Variants in CLMN observed in about 807,000 individuals in gnomAD.
The protein encoded by CLMN is calmin.
CLMN carries 57 observed loss-of-function variants against 92.7 expected under a neutral mutation model. That is an observed-to-expected ratio of 0.61 (90% CI 0.50 to 0.77). The LOEUF (loss-of-function observed/expected upper bound fraction) is 0.77. Ranked by LOEUF, CLMN falls within the 30% of genes least tolerant of loss-of-function variation. The pLI, the probability that CLMN is intolerant of heterozygous loss-of-function variation, is 0.00. For missense variants in CLMN, 1,158 were observed against 1,237.5 expected (o/e 0.94, Z 0.96); for synonymous variants, 466 against 470.6 (o/e 0.99, Z 0.13).
chr14:95,250,057 G>A (rs1898722639), intron 1 of CLMN, among the ~76,000 whole-genome samples: 1 of 152,140 alleles, frequency 6.6e-6, no homozygotes, highest in Admixed American at 6.5e-5. Flanking sequence ...CCAAAACAAA[G>A]GTGCGAAGCT....
In CLMN at chr14:95,194,638, C is replaced by G. The variant is rs1165211311; in HGVS notation, c.2709-42G>C. 1.6e-5 allele frequency: 25 copies of G among 1,587,296 alleles called. No individual in the cohort carries two copies. The highest frequency in any genetic ancestry group is 2.2e-5 in the Non-Finnish European group (25 of 1,155,674). On this transcript the variant is annotated intron_variant, in intron 10 of 12. Coordinates refer to ENST00000298912, the MANE Select transcript of CLMN (RefSeq NM_024734.4). This position sits in a 1 kb window ranked among gnomAD's most constrained non-coding sequence, Gnocchi z 4.0. ...TGTTTTGAATTGGTACCACCTGGAG[C>G]TCTTCATGGCTCAGTTGTACGGTCA...
intron 1 of CLMN, among the ~76,000 whole-genome samples, chr14:95,265,577 T>G (rs1213717297): frequency 6.6e-6 from 1 of 152,212 alleles, no homozygotes; most frequent in Non-Finnish European, 1.5e-5. Flanking sequence ...CCTGGCACAG[T>G]GCGTGCTACA....
At chr14:95,262,459 T>C (rs1234064355) in intron 1 of CLMN, among the ~76,000 whole-genome samples, 3 of 152,240 alleles carry the variant, frequency 2.0e-5, no homozygotes, top group Non-Finnish European at 2.9e-5. Flanking sequence ...CTACCACTTC[T>C]GCAGCACTTG....
rs76500310 is a variant in CLMN, at chr14:95,304,988, A to G, written c.82+14723T>C. Among the ~76,000 whole-genome samples, 15 of 152,368 alleles carry G rather than the reference A, an allele frequency of 9.8e-5. No individual in the cohort carries two copies. In the East Asian group the frequency reaches 2.7e-3, roughly 27 times the overall value. ...TGTACTCGGAACCTGCAGAATGCTT[A>G]TTAGTCCCCAACTTTTAAAGAGGGG... On this transcript the variant is annotated intron_variant, in intron 1 of 12. Transcript: ENST00000298912.
At chr14:95,257,409 C>T (rs951977239) in intron 1 of CLMN, among the ~76,000 whole-genome samples, 1 of 152,182 alleles carries the variant, frequency 6.6e-6, no homozygotes, top group Admixed American at 6.5e-5. Context: ...GACATAGACC[C>T]TGCAGGAGCC....
chr14:95,301,397 T>C (rs1901048775), intron 1 of CLMN, among the ~76,000 whole-genome samples: 1 of 152,182 alleles, frequency 6.6e-6, no homozygotes, highest in Admixed American at 6.5e-5. Context: ...GTGGACTCAC[T>C]CAAGGATGTT....
intron 1 of CLMN, among the ~76,000 whole-genome samples, chr14:95,289,017 C>A (rs1900448180): frequency 6.6e-6 from 1 of 152,160 alleles, no homozygotes; most frequent in African/African-American, 2.4e-5. Flanking sequence ...CTGGGAATCA[C>A]AATAGGGGTT....
chr14:95,222,612 T>A, intron 3 of CLMN: 1 of 455,884 alleles, frequency 2.2e-6, no homozygotes. Context: ...GGCAATAAAG[T>A]GGGGAGCCTC....
chr14:95,269,398 T>A (rs943867370), intron 1 of CLMN, among the ~76,000 whole-genome samples: 28 of 152,366 alleles, frequency 1.8e-4, no homozygotes, highest in Admixed American at 1.7e-3. Context: ...ATATTCAATA[T>A]GAGTATAATA....
At position 95,215,813 on chromosome 14, in the gene CLMN, CTCTGTGTGTGTGTGTGTGTGTGTGTG is replaced by C. The variant is rs1387732870; in HGVS notation, c.325-106_325-81del. ...TGTTATTTTCTGGTTCTCTCTCTCT[CTCTGTGTGTGTGTGTGTGTGTGTGTG>C]TGTGTGTGTGTGTGTGTGTGTTTGC... On this transcript the variant is annotated intron_variant, in intron 4 of 12. Transcript: ENST00000298912. 17 of 851,512 alleles carry C rather than the reference CTCTGTGTGTGTGTGTGTGTGTGTGTG, an allele frequency of 2.0e-5. No individual in the cohort carries two copies. In the African/African-American group the frequency reaches 2.3e-4, roughly 11 times the overall value. The allele number at this position is 851,512 out of a possible 1,614,324, so 52.7% of individuals were successfully genotyped here. A position where few individuals can be genotyped will look rare whatever the true frequency, so the allele number is the denominator to read the frequency against.
At chr14:95,278,662 T>C (rs1304981754) in intron 1 of CLMN, among the ~76,000 whole-genome samples, 2 of 152,218 alleles carry the variant, frequency 1.3e-5, no homozygotes, top group Non-Finnish European at 2.9e-5. Flanking sequence ...GTATGCATTA[T>C]GAGAGATATA....
chr14:95,219,707 C>T (rs574971714), intron 4 of CLMN, among the ~76,000 whole-genome samples: 5 of 152,194 alleles, frequency 3.3e-5, no homozygotes, highest in East Asian at 1.9e-4. Flanking sequence ...TGCTGGCCCA[C>T]GTTTGGCCAG....
At position 95,271,838 on chromosome 14, in the gene CLMN, G is replaced by A. The variant is rs148522336; in HGVS notation, c.83-41705C>T. Reference sequence around the variant, plus strand: ...TGTCTCCACTCCGTGCCTACCAAAGGTATGCACTATCTTGACTTCTATCAT... The same window carrying A: ...TGTCTCCACTCCGTGCCTACCAAAGATATGCACTATCTTGACTTCTATCAT... On this transcript the variant is annotated intron_variant, in intron 1 of 12. Coordinates refer to ENST00000298912, the MANE Select transcript of CLMN (RefSeq NM_024734.4). Among the ~76,000 whole-genome samples, 6 of 152,258 alleles carry A rather than the reference G, an allele frequency of 3.9e-5. No individual in the cohort carries two copies. The East Asian group carries it at 1.2e-3, about 29-fold the overall frequency.
chr14:95,202,973 A>G lies in CLMN; in HGVS notation c.2376T>C (p.Ser792=), dbSNP rs758690774. The G allele has an allele frequency of 3.1e-6, 5 of 1,613,974 alleles. No individual in the cohort carries two copies. The South Asian group carries it at 5.5e-5, about 18-fold the overall frequency. ...SSSVPGESLP[S]ASDQVLYLSR... Reference sequence around the variant, plus strand: ...TGAGATACAGCACCTGGTCGCTGGCACTGGGGAGGCTCTCTCCTGGCACCG... The same window carrying G: ...TGAGATACAGCACCTGGTCGCTGGCGCTGGGGAGGCTCTCTCCTGGCACCG... The change falls in exon 9 of 13, where the codon AGT becomes AGC. Residue 792 remains serine (S), a synonymous_variant. Coordinates refer to ENST00000298912, the MANE Select transcript of CLMN (RefSeq NM_024734.4).
At chr14:95,287,976 G>A (rs1452118763) in intron 1 of CLMN, among the ~76,000 whole-genome samples, 9 of 152,156 alleles carry the variant, frequency 5.9e-5, no homozygotes, top group Admixed American at 5.9e-4. Context: ...TTAGTTCATG[G>A]TTCATTAGTT....
intron 9 of CLMN, among the ~76,000 whole-genome samples, chr14:95,199,796 C>A (rs913197883): frequency 6.6e-6 from 1 of 151,922 alleles, no homozygotes; most frequent in Non-Finnish European, 1.5e-5. Flanking sequence ...TAACTGCTTG[C>A]CCAGATGGTG....
chr14:95,264,590 A>C (rs1899395923), intron 1 of CLMN, among the ~76,000 whole-genome samples: 1 of 152,170 alleles, frequency 6.6e-6, no homozygotes, highest in African/African-American at 2.4e-5. Context: ...AAAGACTCAC[A>C]TCCAGGCCTC....
chr14:95,257,564 C>A (rs1383141123), intron 1 of CLMN, among the ~76,000 whole-genome samples: 1 of 152,216 alleles, frequency 6.6e-6, no homozygotes, highest in Non-Finnish European at 1.5e-5. Flanking sequence ...ATTTCTGAAG[C>A]CAGGCAGTGG....
chr14:95,285,191 A>C (rs1900293739), intron 1 of CLMN, among the ~76,000 whole-genome samples: 1 of 152,188 alleles, frequency 6.6e-6, no homozygotes, highest in Non-Finnish European at 1.5e-5. Flanking sequence ...CATGATTCTG[A>C]GGCCTCCTTA....
Sources: gnomAD v4.1 joint callset for allele counts (sites outside exome capture counted in the v4.1 genomes callset) on GRCh38, gnomAD v4.1.1 for gene constraint, Gnocchi (gnomAD v3.1) non-coding constraint, MANE v1.5 for transcripts, NCBI Gene and HGNC (gene_info 2026-07-23, HGNC 2026-07-21) for gene names.